The following NR3C1 variants were observed in gnomAD, a reference collection of about 807,000 sequenced individuals.
NR3C1 encodes the protein glucocorticoid receptor.
NR3C1 carries 14 observed loss-of-function variants against 74.0 expected under a neutral mutation model. The observed-to-expected ratio is 0.19, with a 90% confidence interval of 0.12 to 0.30. The LOEUF (loss-of-function observed/expected upper bound fraction) is 0.30, where lower values mean the gene tolerates loss of function less well. Among genes scored for constraint, NR3C1 ranks in the 10% least tolerant of loss-of-function variants. The probability of loss-of-function intolerance (pLI) is 1.00; values close to 1 mark genes in which losing one functional copy is unlikely to be tolerated. For missense variants in NR3C1, 695 were observed against 909.8 expected (o/e 0.76, Z 3.04); for synonymous variants, 308 against 332.5 (o/e 0.93, Z 0.80).
chr5:143,386,529 T>C (rs1034851189), intron 2 of NR3C1, among the ~76,000 whole-genome samples: 1 of 152,162 alleles, frequency 6.6e-6, no homozygotes, highest in Non-Finnish European at 1.5e-5. Context: ...CATTCTTTTA[T>C]TTAAAGGCAA....
intron 2 of NR3C1, among the ~76,000 whole-genome samples, chr5:143,317,843 G>A (rs1030556908): frequency 6.6e-6 from 1 of 152,130 alleles, no homozygotes; most frequent in African/African-American, 2.4e-5. Flanking sequence ...CCAGTATCAT[G>A]CTACAAATGA....
rs1839974093 is a variant in NR3C1 at position 143,400,073 on chromosome 5, T to C, written c.767A>G (p.Lys256Arg). 3 of 1,614,120 alleles carry C rather than the reference T, an allele frequency of 1.9e-6. No homozygotes were observed. The highest frequency in any genetic ancestry group is 1.1e-5 in the South Asian group (1 of 91,094). The change falls in exon 2 of 9, where the codon AAA becomes AGA. Residue 256 changes from lysine to arginine, a missense_variant. Physicochemically the swap from Lys to Arg is conservative, Grantham distance 26 (BLOSUM62 2). Coordinates refer to ENST00000394464, the MANE Select transcript of NR3C1 (RefSeq NM_000176.3). ...KPLILPDTKP[K>R]IKDNGDLVLS... is the part of the protein sequence containing the mutation. The stretch of plus-strand genomic sequence containing the variant: ...AACCAGATCTCCATTATCCTTAATT[T>C]TGGGTTTAGTGTCCGGTAAAATGAG...
chr5:143,323,179 G>C (rs1465217787), intron 2 of NR3C1, among the ~76,000 whole-genome samples: 1 of 152,152 alleles, frequency 6.6e-6, no homozygotes, highest in Admixed American at 6.5e-5. Context: ...GCTCCCTGCC[G>C]GTTAGTCCCT....
At chr5:143,314,488 C>T (rs1263128493) in intron 2 of NR3C1, among the ~76,000 whole-genome samples, 1 of 149,242 alleles carries the variant, frequency 6.7e-6, no homozygotes, top group African/African-American at 2.5e-5. Context: ...GTGTCACATA[C>T]AGTAACATTT....
At chr5:143,288,159 C>T (rs1814957395) in intron 7 of NR3C1, among the ~76,000 whole-genome samples, 2 of 150,816 alleles carry the variant, frequency 1.3e-5, no homozygotes, top group African/African-American at 2.4e-5. Flanking sequence ...CACTCTGTTG[C>T]CCAGGCTGGA....
chr5:143,423,153 G>T (rs555920483), intron 1 of NR3C1, among the ~76,000 whole-genome samples: 1 of 152,140 alleles, frequency 6.6e-6, no homozygotes, highest in Non-Finnish European at 1.5e-5. Flanking sequence ...AAGCTAAAAG[G>T]CTTCTGCACA....
intron 2 of NR3C1, among the ~76,000 whole-genome samples, chr5:143,349,829 T>C (rs1829930207): frequency 6.6e-6 from 1 of 152,122 alleles, no homozygotes; most frequent in Non-Finnish European, 1.5e-5. Context: ...ACAGTAGTTG[T>C]AATACAATGA....
chr5:143,282,829 G>T lies in NR3C1; in HGVS notation c.2024-104C>A, dbSNP rs1813435502. On this transcript the variant is annotated intron_variant, in intron 7 of 8. Coordinates refer to ENST00000394464, the MANE Select transcript of NR3C1 (RefSeq NM_000176.3). Reference sequence around the variant, plus strand: ...GGGTCTCACTGTGTCATCCAGGCTGGAGTGCAGTGGCATAATCATAGCTCA... The same window carrying T: ...GGGTCTCACTGTGTCATCCAGGCTGTAGTGCAGTGGCATAATCATAGCTCA... 6 of 1,263,920 alleles carry T rather than the reference G, an allele frequency of 4.7e-6. No individual in the cohort carries two copies. The South Asian group carries it at 8.0e-5, about 17-fold the overall frequency. 78.3% of individuals were successfully genotyped at this position (1,263,920 alleles called of 1,614,324 possible).
intron 2 of NR3C1, among the ~76,000 whole-genome samples, chr5:143,357,376 C>T (rs1374556348): frequency 6.6e-6 from 1 of 152,082 alleles, no homozygotes; most frequent in Non-Finnish European, 1.5e-5. Context: ...GTCAATTTAA[C>T]AAAACTATAT....
chr5:143,333,002 A>C, intron 2 of NR3C1: 1 of 1,586,972 alleles, frequency 6.3e-7, no homozygotes, highest in South Asian at 1.1e-5. Flanking sequence ...TCCCTCTGAC[A>C]GACAACACAG....
chr5:143,382,896 G>A (rs189528112), intron 2 of NR3C1, among the ~76,000 whole-genome samples: 19 of 152,300 alleles, frequency 1.2e-4, no homozygotes, highest in African/African-American at 4.1e-4. Flanking sequence ...CCTCGTATAT[G>A]CAAATACAGA....
At chr5:143,308,257 T>TA (rs1453804440) in intron 4 of NR3C1, among the ~76,000 whole-genome samples, 6 of 152,050 alleles carry the variant, frequency 3.9e-5, no homozygotes, top group Non-Finnish European at 7.4e-5. Flanking sequence ...GGCCAGGAGT[T>TA]AGACACCAGC....
Position 143,279,119 on chromosome 5 carries a change from G to A in NR3C1, c.*2770C>T, listed in dbSNP as rs1035740419. 1 of 484,544 alleles carries A rather than the reference G, an allele frequency of 2.1e-6. No homozygotes were observed. Among genetic ancestry groups the A allele is most frequent in the Non-Finnish European group, 3.6e-6 (1 of 280,666 alleles). 30.0% of individuals were successfully genotyped at this position (484,544 alleles called of 1,614,324 possible). A position where few individuals can be genotyped will look rare whatever the true frequency, so the allele number is the denominator to read the frequency against. On this transcript the variant is annotated 3_prime_UTR_variant, in exon 9 of 9. Transcript: ENST00000394464. ...GGGATGGCCAGATAACACATACATA[G>A]GAAATAAATCTGCTTTCAAACAGCA...
intron 2 of NR3C1, among the ~76,000 whole-genome samples, chr5:143,356,453 C>T (rs1160919961): frequency 3.3e-5 from 5 of 152,018 alleles, no homozygotes; most frequent in African/African-American, 1.2e-4. Context: ...AGTATATCAA[C>T]AATTTCACTT....
chr5:143,363,940 A>C (rs971662349), intron 2 of NR3C1, among the ~76,000 whole-genome samples: 3 of 152,186 alleles, frequency 2.0e-5, no homozygotes, highest in Non-Finnish European at 4.4e-5. Flanking sequence ...ACACACAAAT[A>C]ATCAGAGTGA....
chr5:143,432,571 G>C (rs1751882839), intron 1 of NR3C1, among the ~76,000 whole-genome samples: 1 of 152,194 alleles, frequency 6.6e-6, no homozygotes, highest in South Asian at 2.1e-4. Context: ...CTGAGGTAAA[G>C]CAGGGACACT....
intron 1 of NR3C1, among the ~76,000 whole-genome samples, chr5:143,423,443 A>G (rs1317022568): frequency 1.3e-5 from 2 of 152,178 alleles, no homozygotes; most frequent in South Asian, 2.1e-4. Flanking sequence ...TCAAAAAGAC[A>G]GGGAATTACG....
intron 2 of NR3C1, among the ~76,000 whole-genome samples, chr5:143,386,210 AT>A (rs575132303): frequency 3.3e-4 from 50 of 152,340 alleles, no homozygotes; most frequent in African/African-American, 1.1e-3. Context: ...TGCCTCCAGG[AT>A]TCAATCACCT....
In NR3C1 at chr5:143,295,442, A is replaced by C; in HGVS notation, c.2023+18T>G. On this transcript the variant is annotated intron_variant, in intron 7 of 8. Transcript: ENST00000394464. ...TATTTCATGCTTTTGACATAAGGTG[A>C]AAAGGTGTTCTACCAACCTGAAGAG... The C allele has an allele frequency of 6.2e-7, 1 of 1,611,060 alleles. No individual in the cohort carries two copies. The highest frequency in any genetic ancestry group is 8.5e-7 in the Non-Finnish European group (1 of 1,178,146).
Sources: gnomAD v4.1 joint callset for allele counts (sites outside exome capture counted in the v4.1 genomes callset) on GRCh38, gnomAD v4.1.1 for gene constraint, MANE v1.5 for transcripts, NCBI Gene and HGNC (gene_info 2026-07-23, HGNC 2026-07-21) for gene names.